Variants in WDR64 observed in about 807,000 individuals in gnomAD.
The protein encoded by WDR64 is WD repeat domain 64.
WDR64 carries 112 observed loss-of-function variants against 139.3 expected under a neutral mutation model. The ratio of observed to expected loss-of-function variants is 0.80; its 90% CI spans 0.69 to 0.94. WDR64 has a LOEUF of 0.94. WDR64 is among the 40% of genes least tolerant of loss of function. The pLI is 0.00. For missense variants in WDR64, 1,206 were observed against 1,293.1 expected, an observed-to-expected ratio of 0.93 and a Z score of 1.03; for synonymous variants, 444 against 437.7, an observed-to-expected ratio of 1.01 and a Z score of -0.18.
chr1:241,790,830 TTGG>T, intron 25 of WDR64, 134 bp downstream of exon 25: 3 of 729,548 alleles, frequency 4.1e-6, no homozygotes, highest in Non-Finnish European at 6.6e-6. Flanking sequence ...TACTATAAAC[TTGG>T]TGGCTTAAAC....
chr1:241,679,669 T>C, intron 6 of WDR64, 74 bp downstream of exon 6: 3 of 1,236,192 alleles, frequency 2.4e-6, no homozygotes, highest in Non-Finnish European at 3.5e-6. Context: ...GCAATCCACT[T>C]TCTCTATTGA....
intron 4 of WDR64, among the ~76,000 whole-genome samples, chr1:241,675,273 T>TTCCTCTCTCTCCTCCTCCCC (rs1285114809): frequency 1.7e-5 from 2 of 117,424 alleles, no homozygotes. Flanking sequence ...CCTTCCTCCC[T>TTCCTCTCTCTCCTCCTCCCC]TCCTCTCTCT....
At chr1:241,717,093 T>G (rs1156932752) in intron 9 of WDR64, among the ~76,000 whole-genome samples, 1 of 152,186 alleles carries the variant, frequency 6.6e-6, no homozygotes, top group Admixed American at 6.5e-5. Context: ...TGAACATGTC[T>G]GAATAGCATG....
chr1:241,745,425 T>TCCTCCCTCCTTGGCCTCCC (rs1669720569), intron 13 of WDR64, among the ~76,000 whole-genome samples: 1 of 151,226 alleles, frequency 6.6e-6, no homozygotes, highest in African/African-American at 2.5e-5. Flanking sequence ...AGACATGAAA[T>TCCTCCCTCCTTGGCCTCCC]GTGGTTGTTG....
chr1:241,723,592 T>C (rs545462637), intron 10 of WDR64, among the ~76,000 whole-genome samples, 156 bp downstream of exon 10: 1 of 152,314 alleles, frequency 6.6e-6, no homozygotes, highest in East Asian at 1.9e-4. Flanking sequence ...GATAAGCCAA[T>C]GTTCTCTCTT....
intron 15 of WDR64, among the ~76,000 whole-genome samples, chr1:241,760,046 G>C (rs1670365788): frequency 6.6e-6 from 1 of 152,118 alleles, no homozygotes; most frequent in Admixed American, 6.6e-5. Context: ...GTATGTCACA[G>C]CGTCCTTCCT....
chr1:241,731,148 T>C (rs771577487), intron 10 of WDR64, among the ~76,000 whole-genome samples: 12 of 152,088 alleles, frequency 7.9e-5, no homozygotes, highest in Non-Finnish European at 1.8e-4. Context: ...ATATAATACA[T>C]ATGAACAGGG....
At chr1:241,697,001 C>T (rs1036786884) in intron 8 of WDR64, among the ~76,000 whole-genome samples, 1 of 152,176 alleles carries the variant, frequency 6.6e-6, no homozygotes, top group Non-Finnish European at 1.5e-5. Flanking sequence ...GCCCTCTCCT[C>T]TACTTTCTTC....
rs202195330 is a variant in WDR64 at position 241,674,260 on chromosome 1, TC to T, written c.380-383del. The stretch of plus-strand genomic sequence containing the variant: ...TGGCTGTTTATCTTTTTTTTTCTTT[TC>T]TTTTTTTTTTTTTTTGAGACAGGGT... On this transcript the variant is annotated intron_variant, in intron 3 of 27. Coordinates refer to ENST00000437684, the MANE Select transcript of WDR64 (RefSeq NM_001367482.1). Among the ~76,000 whole-genome samples, 30 of 137,004 alleles carry T rather than the reference TC, an allele frequency of 2.2e-4. 10 individuals are homozygous for T. Among genetic ancestry groups the T allele is most frequent in the Middle Eastern group, 7.5e-3 (2 of 266 alleles). The allele number at this position is 137,004 out of a possible 152,430, so 89.9% of individuals were successfully genotyped here.
chr1:241,802,188 G>C lies in WDR64; in HGVS notation c.*973G>C. 2.5e-6 allele frequency: 1 copy of C among 398,034 alleles called. No individual in the cohort carries two copies. The allele number at this position is 398,034 out of a possible 1,614,324, so 24.7% of individuals were successfully genotyped here. On this transcript the variant is annotated 3_prime_UTR_variant, in exon 28 of 28. Coordinates refer to ENST00000437684, the MANE Select transcript of WDR64 (RefSeq NM_001367482.1). ...AGAATGACTAAACAAACTATGGTAG[G>C]GTAGGACAATGGAATCCTCAGCAAT... is the stretch of plus-strand genomic sequence containing the variant.
intron 6 of WDR64, 150 bp downstream of exon 6, chr1:241,679,745 A>C: frequency 3.0e-6 from 2 of 658,238 alleles, no homozygotes; most frequent in Non-Finnish European, 5.3e-6. Flanking sequence ...CAAGTTCAGC[A>C]TGTATACTCT....
intron 7 of WDR64, among the ~76,000 whole-genome samples, chr1:241,687,123 T>G (rs558795782): frequency 6.6e-6 from 1 of 151,966 alleles, no homozygotes; most frequent in East Asian, 1.9e-4. Context: ...TAGCCAACAT[T>G]ATGAAACCCC....
rs190143139 is a variant in WDR64, at chr1:241,775,490, T to C, written c.2536+280T>C. Among the ~76,000 whole-genome samples the C allele has an allele frequency of 5.4e-3, 822 of 152,320 alleles. 8 individuals are homozygous for C. Among genetic ancestry groups the C allele is most frequent in the African/African-American group, 0.019 (780 of 41,566 alleles). ...CTACCCATCTGTGTATCTTACTTTT[T>C]TGGAAAAAATATAGTTTTAATTTTT... is the stretch of plus-strand genomic sequence containing the variant. On this transcript the variant is annotated intron_variant, in intron 21 of 27. Coordinates refer to ENST00000437684, the MANE Select transcript of WDR64 (RefSeq NM_001367482.1).
At chr1:241,747,604 T>C (rs1407071976) in intron 13 of WDR64, among the ~76,000 whole-genome samples, 1 of 152,196 alleles carries the variant, frequency 6.6e-6, no homozygotes, top group African/African-American at 2.4e-5. Flanking sequence ...TTAAGCACTA[T>C]CAGAATTGGA....
At chr1:241,786,534 A>G (rs1371464891) in intron 23 of WDR64, among the ~76,000 whole-genome samples, 1 of 152,240 alleles carries the variant, frequency 6.6e-6, no homozygotes, top group African/African-American at 2.4e-5. Context: ...AGGCATATGG[A>G]TAACGAGTCC....
At chr1:241,775,026 G>A in intron 20 of WDR64, 79 bp from the exon 21 acceptor site, 1 of 1,137,742 alleles carries the variant, frequency 8.8e-7, no homozygotes, top group Non-Finnish European at 1.2e-6. Flanking sequence ...TATTTACATA[G>A]AAAAATCAAT....
intron 7 of WDR64, among the ~76,000 whole-genome samples, chr1:241,686,384 A>C (rs1459412647): frequency 6.6e-6 from 1 of 152,224 alleles, no homozygotes; most frequent in Non-Finnish European, 1.5e-5. Context: ...CATATCTGGC[A>C]TGAGAATAGA....
intron 10 of WDR64, among the ~76,000 whole-genome samples, chr1:241,732,487 C>T (rs10926555): frequency 0.16 from 24,005 of 152,018 alleles, 2,218 homozygotes; most frequent in East Asian, 0.29. Context: ...ATAAATCAGA[C>T]ATTCTGCTCT....
chr1:241,666,502 G>GT (rs2148065471), intron 2 of WDR64, among the ~76,000 whole-genome samples: 1 of 152,198 alleles, frequency 6.6e-6, no homozygotes, highest in African/African-American at 2.4e-5. Context: ...TATTATTGTC[G>GT]TAAGAGCATA....
Sources: gnomAD v4.1 joint callset for allele counts (sites outside exome capture counted in the v4.1 genomes callset) on GRCh38, gnomAD v4.1.1 for gene constraint, MANE v1.5 for transcripts, NCBI Gene and HGNC (gene_info 2026-07-23, HGNC 2026-07-21) for gene names.